DNM3: variants seen among roughly 807,000 people sequenced by gnomAD.
DNM3 encodes dynamin-3.
Under a neutral mutation model 101.6 loss-of-function variants are expected in DNM3, and 47 were observed. The ratio of observed to expected loss-of-function variants is 0.46; its 90% CI spans 0.37 to 0.59. The LOEUF is 0.59. Among genes scored for constraint, DNM3 ranks in the 20% least tolerant of loss-of-function variants. The pLI is 0.00. For synonymous variants in DNM3, 385 were observed against 387.9 expected, an observed-to-expected ratio of 0.99 and a Z score of 0.09; for missense variants, 849 against 1,085.7, an observed-to-expected ratio of 0.78 and a Z score of 3.06.
intron 17 of DNM3, among the ~76,000 whole-genome samples, chr1:172,333,404 C>A (rs911713): frequency 0.51 from 77,897 of 151,870 alleles, 21,302 homozygotes; most frequent in East Asian, 0.83. Flanking sequence ...ATAATTGCAT[C>A]GAAGCCGTAC....
intron 14 of DNM3, among the ~76,000 whole-genome samples, chr1:172,232,811 G>A (rs1174986236): frequency 1.3e-5 from 2 of 152,182 alleles, no homozygotes; most frequent in Non-Finnish European, 2.9e-5. Flanking sequence ...TGAAATGAAG[G>A]CAGAAGTAAA....
At chr1:172,111,345 A>G (rs1009179848) in intron 13 of DNM3, among the ~76,000 whole-genome samples, 7 of 152,226 alleles carry the variant, frequency 4.6e-5, no homozygotes, top group Non-Finnish European at 1.0e-4. Context: ...CTAATCTGTG[A>G]TCTAGGGAAG....
chr1:172,232,152 T>C (rs991112844), intron 14 of DNM3, among the ~76,000 whole-genome samples: 1 of 152,056 alleles, frequency 6.6e-6, no homozygotes, highest in Non-Finnish European at 1.5e-5. Context: ...CCATCTCACA[T>C]GCAGAGACAC....
intron 14 of DNM3, among the ~76,000 whole-genome samples, chr1:172,204,971 A>C (rs987470098): frequency 1.2e-4 from 19 of 152,208 alleles, no homozygotes; most frequent in African/African-American, 4.1e-4. Flanking sequence ...CAAATTAGTG[A>C]ATTACATTCA....
At chr1:172,227,651 T>A (rs747546344) in intron 14 of DNM3, among the ~76,000 whole-genome samples, 2 of 152,154 alleles carry the variant, frequency 1.3e-5, no homozygotes, top group Non-Finnish European at 2.9e-5. Context: ...TATCTCATTG[T>A]GGTTTTAATT....
intron 1 of DNM3, among the ~76,000 whole-genome samples, chr1:171,868,918 G>A (rs1385557557): frequency 2.0e-5 from 3 of 152,076 alleles, no homozygotes; most frequent in African/African-American, 7.2e-5. Context: ...CAAGTAGCTG[G>A]GATTACAGGC....
chr1:172,032,921 G>A (rs1471345260), intron 5 of DNM3, among the ~76,000 whole-genome samples, 184 bp from the exon 6 acceptor site: 3 of 152,068 alleles, frequency 2.0e-5, no homozygotes, highest in African/African-American at 7.2e-5. Context: ...AAAAATTATC[G>A]TGGGCTCAAT....
At chr1:172,395,873 G>A (rs1012520379) in intron 20 of DNM3, among the ~76,000 whole-genome samples, 1 of 152,166 alleles carries the variant, frequency 6.6e-6, no homozygotes, top group African/African-American at 2.4e-5. Context: ...TAAATGTGGG[G>A]GATGGGAGGG....
chr1:172,307,578 T>C (rs1452032669), intron 15 of DNM3, among the ~76,000 whole-genome samples: 2 of 152,196 alleles, frequency 1.3e-5, no homozygotes, highest in Non-Finnish European at 2.9e-5. Context: ...CGCACACGTA[T>C]GTTTATTGCA....
At chr1:172,418,110 C>T (rs2149148612) in intron 20 of DNM3, among the ~76,000 whole-genome samples, 1 of 152,336 alleles carries the variant, frequency 6.6e-6, no homozygotes, top group South Asian at 2.1e-4. Context: ...GATGTCCCTT[C>T]ATTTCCTTTG....
At chr1:172,116,931 C>T (rs988970198) in intron 13 of DNM3, among the ~76,000 whole-genome samples, 1 of 152,010 alleles carries the variant, frequency 6.6e-6, no homozygotes, top group Non-Finnish European at 1.5e-5. Context: ...CTGGGCCGGA[C>T]GTGGTGGTTC....
At chr1:171,902,133 C>T (rs2038415160) in intron 1 of DNM3, among the ~76,000 whole-genome samples, 1 of 152,140 alleles carries the variant, frequency 6.6e-6, no homozygotes, top group Admixed American at 6.6e-5. Context: ...ACCTGGAAAA[C>T]ACATTAACTT....
chr1:172,106,702 C>T (rs1027591191), intron 13 of DNM3, among the ~76,000 whole-genome samples: 3 of 151,964 alleles, frequency 2.0e-5, no homozygotes, highest in Non-Finnish European at 2.9e-5. Flanking sequence ...TATGGTCTTA[C>T]ATATTGAATA....
chr1:172,374,834 A>T (rs2068519507), intron 17 of DNM3, among the ~76,000 whole-genome samples: 1 of 152,090 alleles, frequency 6.6e-6, no homozygotes, highest in African/African-American at 2.4e-5. Context: ...TTTGCTTTAC[A>T]ATATCTGTGA....
At chr1:172,366,212 C>T (rs1360079861) in intron 17 of DNM3, among the ~76,000 whole-genome samples, 3 of 151,746 alleles carry the variant, frequency 2.0e-5, no homozygotes, top group Admixed American at 6.6e-5. Context: ...GGCAACAGAG[C>T]GAGGCCCTTT....
intron 10 of DNM3, among the ~76,000 whole-genome samples, chr1:172,052,260 T>A (rs2050256808): frequency 6.6e-6 from 1 of 152,144 alleles, no homozygotes. Flanking sequence ...GTATTCCTGA[T>A]CAAGGGGGTG....
At chr1:172,232,195 T>C (rs899711598) in intron 14 of DNM3, among the ~76,000 whole-genome samples, 8 of 152,064 alleles carry the variant, frequency 5.3e-5, no homozygotes, top group Admixed American at 2.0e-4. Context: ...TGGAGGAAGA[T>C]CTACCAAGCA....
Position 171,987,645 on chromosome 1 carries a change from T to C in DNM3, c.236-11T>C, listed in dbSNP as rs755583246. 55 of 1,553,826 alleles carry C rather than the reference T, an allele frequency of 3.5e-5. No homozygotes were observed. Among genetic ancestry groups the C allele is most frequent in the Middle Eastern group, 1.7e-4 (1 of 5,806 alleles). On this transcript the variant is annotated splice_polypyrimidine_tract_variant and intron_variant, in intron 2 of 20. Transcript: ENST00000627582. ...AATTTAAGTTGTGTCATTTTGGTTT[T>C]ATTTTTGTAGAATATGCCGAGTTTC... is the stretch of plus-strand genomic sequence containing the variant.
chr1:171,950,683 G>C (rs1278564045), intron 2 of DNM3, among the ~76,000 whole-genome samples: 3 of 152,138 alleles, frequency 2.0e-5, no homozygotes, highest in Non-Finnish European at 4.4e-5. Flanking sequence ...ATGGGAAATG[G>C]TTCTGTGAGG....
Sources: gnomAD v4.1 joint callset for allele counts (sites outside exome capture counted in the v4.1 genomes callset) on GRCh38, gnomAD v4.1.1 for gene constraint, MANE v1.5 for transcripts, NCBI Gene and HGNC (gene_info 2026-07-23, HGNC 2026-07-21) for gene names.